PCDH15: variants seen among roughly 807,000 people sequenced by gnomAD.
PCDH15 encodes the protein protocadherin-15.
PCDH15 carries 129 observed loss-of-function variants against 178.5 expected under a neutral mutation model. The observed-to-expected ratio is 0.72, with a 90% CI of 0.63 to 0.84. PCDH15 has a LOEUF of 0.84. Among genes scored for constraint, PCDH15 ranks in the 40% least tolerant of loss-of-function variants. The pLI is 0.00. For synonymous variants in PCDH15, 800 were observed against 732.0 expected (o/e 1.09, Z -1.50); for missense variants, 2,230 against 2,099.9 (o/e 1.06, Z -1.21).
At chr10:54,617,755 CAAAA>C (rs71010398) in intron 2 of PCDH15, among the ~76,000 whole-genome samples, 2 of 117,128 alleles carry the variant, frequency 1.7e-5, no homozygotes, top group African/African-American at 6.7e-5. Flanking sequence ...TCTAAAAATA[CAAAA>C]AAAAAAAAAA....
intron 1 of PCDH15, among the ~76,000 whole-genome samples, chr10:54,750,094 GTCTCTCTT>G (rs567640060): frequency 2.0e-4 from 30 of 151,982 alleles, no homozygotes; most frequent in South Asian, 6.2e-4. Flanking sequence ...CCCTTGCTCT[GTCTCTCTT>G]TCTCTCTTTC....
chr10:55,438,450 G>T (rs748658213), intron 2 of PCDH15, among the ~76,000 whole-genome samples: 1 of 152,054 alleles, frequency 6.6e-6, no homozygotes, highest in Non-Finnish European at 1.5e-5. Context: ...TATTAAATAA[G>T]AATCTGCTTA....
intron 23 of PCDH15, among the ~76,000 whole-genome samples, chr10:53,948,137 G>T (rs773707680): frequency 6.6e-6 from 1 of 152,024 alleles, no homozygotes; most frequent in Non-Finnish European, 1.5e-5. Context: ...GACTTACAAC[G>T]GGGTTAGGTC....
At chr10:55,454,540 G>A (rs1046208991) in intron 2 of PCDH15, among the ~76,000 whole-genome samples, 1 of 151,736 alleles carries the variant, frequency 6.6e-6, no homozygotes, top group African/African-American at 2.4e-5. Flanking sequence ...CACTTTGGGA[G>A]GCTGAGGTGG....
rs542606141 is a variant in PCDH15, at chr10:54,510,138, CA to C, written c.157+17673del. Among the ~76,000 whole-genome samples the C allele has an allele frequency of 6.6e-5, 10 of 152,186 alleles. No individual in the cohort carries two copies. The East Asian group carries it at 1.9e-3, about 29-fold the overall frequency. On this transcript the variant is annotated intron_variant, in intron 3 of 37. Coordinates refer to ENST00000644397, the MANE Select transcript of PCDH15 (RefSeq NM_001384140.1). ...TTTTGTTCAGTTTCAAATACACAGT[CA>C]AAAAAATTGCTTTTATTTCTGTTTG...
chr10:53,985,375 G>T (rs2091021659), intron 21 of PCDH15, among the ~76,000 whole-genome samples: 1 of 152,100 alleles, frequency 6.6e-6, no homozygotes, highest in South Asian at 2.1e-4. Context: ...GGAATCTCTG[G>T]TATATGTTAG....
At chr10:54,537,965 TG>T (rs1221265866) in intron 2 of PCDH15, among the ~76,000 whole-genome samples, 1 of 152,206 alleles carries the variant, frequency 6.6e-6, no homozygotes, top group Non-Finnish European at 1.5e-5. Context: ...TGTGGTTATT[TG>T]GTTTATGTTT....
intron 1 of PCDH15, among the ~76,000 whole-genome samples, chr10:55,318,252 G>A (rs553446044): frequency 6.6e-6 from 1 of 152,196 alleles, no homozygotes; most frequent in East Asian, 1.9e-4. Context: ...GAGTACATGA[G>A]TATGTGTTGG....
At chr10:55,094,947 T>A (rs1055373348) in intron 2 of PCDH15, among the ~76,000 whole-genome samples, 7 of 150,910 alleles carry the variant, frequency 4.6e-5, no homozygotes, top group South Asian at 2.1e-4. Flanking sequence ...TTTTTTTTTT[T>A]ATCTCACTGT....
chr10:54,008,570 A>C (rs1164232028), intron 20 of PCDH15, among the ~76,000 whole-genome samples: 1 of 152,192 alleles, frequency 6.6e-6, no homozygotes, highest in African/African-American at 2.4e-5. Flanking sequence ...ATATATCCAA[A>C]TTGAATCCAG....
rs572974458 is a variant in PCDH15, at chr10:54,508,652, G to A, written c.157+19160C>T. ...TGAAAAACAGAATGGTTATAGGGGT[G>A]TTCATCATTTATGTACATAACTGAA... On this transcript the variant is annotated intron_variant, in intron 3 of 37. Transcript: ENST00000644397. Among the ~76,000 whole-genome samples, 170 of 152,228 alleles carry A rather than the reference G, an allele frequency of 1.1e-3. 1 individual carries two copies. Among genetic ancestry groups the A allele is most frequent in the Admixed American group, 2.7e-3 (41 of 15,262 alleles).
At chr10:55,220,748 A>T (rs981017106) in intron 1 of PCDH15, among the ~76,000 whole-genome samples, 4 of 152,092 alleles carry the variant, frequency 2.6e-5, no homozygotes, top group Non-Finnish European at 5.9e-5. Flanking sequence ...AAACATCATT[A>T]TGTGGCACAT....
intron 2 of PCDH15, among the ~76,000 whole-genome samples, chr10:55,357,643 T>C (rs535820837): frequency 2.0e-5 from 3 of 152,188 alleles, no homozygotes; most frequent in South Asian, 4.1e-4. Flanking sequence ...TAACTACTTC[T>C]AATAAATTGT....
intron 2 of PCDH15, among the ~76,000 whole-genome samples, chr10:55,051,721 A>T (rs1203223346): frequency 6.6e-6 from 1 of 152,170 alleles, no homozygotes; most frequent in Non-Finnish European, 1.5e-5. Flanking sequence ...TAGTCATAAA[A>T]ATGTTAAATG....
intron 3 of PCDH15, among the ~76,000 whole-genome samples, chr10:54,495,671 A>T (rs1473783354): frequency 2.0e-5 from 3 of 152,142 alleles, no homozygotes; most frequent in African/African-American, 7.2e-5. Context: ...AAACTTTGTA[A>T]TCACCTTTGG....
At chr10:54,317,157 T>A in intron 8 of PCDH15, 114 bp downstream of exon 8, 1 of 1,073,266 alleles carries the variant, frequency 9.3e-7, no homozygotes. Context: ...TATTTTTCAA[T>A]GTGCATATAC....
At chr10:54,880,383 C>G (rs1954240578) in intron 3 of PCDH15, among the ~76,000 whole-genome samples, 1 of 151,968 alleles carries the variant, frequency 6.6e-6, no homozygotes, top group South Asian at 2.1e-4. Context: ...TTCCTATAAG[C>G]AGATCAGTTA....
At position 53,803,377 on chromosome 10, in the gene PCDH15, A is replaced by C. The variant is rs1356531647; in HGVS notation, c.*3202T>G. 6.6e-6 allele frequency: 1 copy of C among 151,982 alleles called. No individual in the cohort carries two copies. Among genetic ancestry groups the C allele is most frequent in the Non-Finnish European group, 1.5e-5 (1 of 67,884 alleles). The allele number at this position is 151,982 out of a possible 1,614,324, so 9.4% of individuals were successfully genotyped here. A position where few individuals can be genotyped will look rare whatever the true frequency, so the allele number is the denominator to read the frequency against. On this transcript the variant is annotated 3_prime_UTR_variant, in exon 38 of 38. Transcript: ENST00000644397. Reference sequence around the variant, plus strand: ...AGAAAATGTCTTCCCTCGAGAGTCAATATTCAATTACTTCTGGCTCTATGA... The same window carrying C: ...AGAAAATGTCTTCCCTCGAGAGTCACTATTCAATTACTTCTGGCTCTATGA...
At chr10:55,077,741 T>C (rs911817871) in intron 2 of PCDH15, among the ~76,000 whole-genome samples, 1 of 152,138 alleles carries the variant, frequency 6.6e-6, no homozygotes, top group Admixed American at 6.6e-5. Flanking sequence ...GAGACGCGGA[T>C]TCACCATGTT....
Sources: allele counts gnomAD v4.1 joint callset (sites outside exome capture counted in the v4.1 genomes callset), GRCh38; gene constraint gnomAD v4.1.1; transcripts MANE v1.5; gene names NCBI Gene and HGNC (gene_info 2026-07-23, HGNC 2026-07-21).